LEPR: variants seen among roughly 807,000 people sequenced by gnomAD.
The protein encoded by LEPR is leptin receptor, also known as OB receptor.
LEPR carries 56 observed loss-of-function variants against 114.7 expected under a neutral mutation model. The observed-to-expected ratio is 0.49, with a 90% CI of 0.39 to 0.61. The LOEUF is 0.61. Ranked by LOEUF, LEPR falls within the 20% of genes least tolerant of loss-of-function variation. LEPR has a pLI of 0.00. For synonymous variants in LEPR, 443 were observed against 461.4 expected, an observed-to-expected ratio of 0.96 and a Z score of 0.51; for missense variants, 1,202 against 1,352.9, an observed-to-expected ratio of 0.89 and a Z score of 1.75.
chr1:65,591,458 C>A (rs907014371), intron 5 of LEPR, among the ~76,000 whole-genome samples: 14 of 152,010 alleles, frequency 9.2e-5, no homozygotes, highest in African/African-American at 3.1e-4. Context: ...GTCTATTTCT[C>A]CTTAAGGTTC....
At chr1:65,468,480 T>TA (rs1035745693) in intron 2 of LEPR, among the ~76,000 whole-genome samples, 9 of 152,182 alleles carry the variant, frequency 5.9e-5, no homozygotes, top group Admixed American at 1.3e-4. Flanking sequence ...AAAGCTTCCT[T>TA]AAAAAAAATT....
chr1:65,572,458 C>A lies in LEPR; in HGVS notation c.494+9C>A, dbSNP rs1217833550. ...CATCTTTTATATGTTCTGTAAGTAC[C>A]AAATAATTAATTTGGCATTTCTAAT... On this transcript the variant is annotated intron_variant, in intron 5 of 19. Transcript: ENST00000349533. 1 of 1,586,128 alleles carries A rather than the reference C, an allele frequency of 6.3e-7. No individual in the cohort carries two copies. Among genetic ancestry groups the A allele is most frequent in the Non-Finnish European group, 8.6e-7 (1 of 1,159,786 alleles).
At chr1:65,545,905 T>G (rs1027944061) in intron 2 of LEPR, among the ~76,000 whole-genome samples, 13 of 152,004 alleles carry the variant, frequency 8.6e-5, no homozygotes, top group African/African-American at 3.1e-4. Flanking sequence ...TGAGTGGTAA[T>G]GCCTAGGTTT....
intron 11 of LEPR, among the ~76,000 whole-genome samples, 173 bp downstream of exon 11, chr1:65,605,410 A>G (rs1557691548): frequency 6.6e-6 from 1 of 152,228 alleles, no homozygotes; most frequent in South Asian, 2.1e-4. Context: ...ACAGTTTTGA[A>G]TTCATTTCAA....
intron 2 of LEPR, among the ~76,000 whole-genome samples, chr1:65,468,771 C>T (rs1391739539): frequency 6.6e-6 from 1 of 152,150 alleles, no homozygotes; most frequent in Non-Finnish European, 1.5e-5. Flanking sequence ...TGTGCACATG[C>T]GGATGCATTG....
chr1:65,480,282 G>A (rs7542824), intron 2 of LEPR, among the ~76,000 whole-genome samples: 49,044 of 152,056 alleles, frequency 0.32, 10,106 homozygotes, highest in Non-Finnish European at 0.46. Flanking sequence ...TGGTTTTTGA[G>A]GAAGAATACA....
intron 2 of LEPR, among the ~76,000 whole-genome samples, chr1:65,459,649 G>A (rs184577012): frequency 4.2e-4 from 64 of 152,268 alleles, no homozygotes; most frequent in Non-Finnish European, 5.3e-4. Flanking sequence ...CCCAACCCAG[G>A]ACAAAGAAGC....
At chr1:65,488,127 T>TTCCC (rs1040219606) in intron 2 of LEPR, among the ~76,000 whole-genome samples, 1 of 140,396 alleles carries the variant, frequency 7.1e-6, no homozygotes. Flanking sequence ...CTTTCTTTCT[T>TTCCC]TCCCTCCCTC....
intron 2 of LEPR, among the ~76,000 whole-genome samples, chr1:65,548,947 C>T (rs1188538056): frequency 6.6e-6 from 1 of 152,146 alleles, no homozygotes; most frequent in African/African-American, 2.4e-5. Flanking sequence ...TGGCTGGTAC[C>T]AGTTGTTCCT....
chr1:65,524,325 C>G (rs543241060), intron 2 of LEPR, among the ~76,000 whole-genome samples: 1 of 152,156 alleles, frequency 6.6e-6, no homozygotes, highest in East Asian at 1.9e-4. Flanking sequence ...GGTGGAAATC[C>G]AAGGGTTAGT....
chr1:65,448,230 T>C (rs11582592), intron 2 of LEPR, among the ~76,000 whole-genome samples: 5,979 of 152,296 alleles, frequency 0.039, 169 homozygotes, highest in South Asian at 0.1. Flanking sequence ...TTATCATGAA[T>C]GTGTGTTGGA....
chr1:65,513,494 A>G (rs577200028), intron 2 of LEPR, among the ~76,000 whole-genome samples: 1 of 152,228 alleles, frequency 6.6e-6, no homozygotes. Context: ...AAAAAATAAC[A>G]CAGCCATTTC....
At chr1:65,505,239 T>A (rs1163913893) in intron 2 of LEPR, among the ~76,000 whole-genome samples, 1 of 152,218 alleles carries the variant, frequency 6.6e-6, no homozygotes, top group Non-Finnish European at 1.5e-5. Flanking sequence ...GATGTTACAC[T>A]ATTGGATATT....
intron 19 of LEPR, among the ~76,000 whole-genome samples, chr1:65,629,131 T>C (rs1323880247): frequency 6.6e-6 from 1 of 152,162 alleles, no homozygotes; most frequent in African/African-American, 2.4e-5. Flanking sequence ...GTCACTTTTT[T>C]CAATTCCTTA....
rs1316399938 is a variant in LEPR, at chr1:65,618,129, A to G, written c.2378A>G (p.Lys793Arg). The change falls in exon 16 of 20, where the codon AAG becomes AGG. Residue 793 changes from lysine to arginine, a missense_variant. Transcript: ENST00000349533. Reference protein sequence around the residue: ...IKWLRISSSVKKYYIHDHFIP... With the variant: ...IKWLRISSSVRKYYIHDHFIP... The stretch of plus-strand genomic sequence containing the variant: ...TGGCTTAGAATCTCTTCATCTGTTA[A>G]GAAGTATTATATCCATGGTAAGTTT... The G allele has an allele frequency of 1.9e-6, 3 of 1,608,030 alleles. No homozygotes were observed. The highest frequency in any genetic ancestry group is 1.3e-5 in the African/African-American group (1 of 74,810).
chr1:65,631,987 C>T (rs527573915), intron 19 of LEPR, among the ~76,000 whole-genome samples: 1 of 152,206 alleles, frequency 6.6e-6, no homozygotes, highest in South Asian at 2.1e-4. Flanking sequence ...TTTTATCCAG[C>T]CATGCTCCTG....
At chr1:65,524,055 G>A (rs1649780010) in intron 2 of LEPR, among the ~76,000 whole-genome samples, 1 of 152,222 alleles carries the variant, frequency 6.6e-6, no homozygotes, top group Non-Finnish European at 1.5e-5. Flanking sequence ...TTCTCATAGA[G>A]CCTTGGGAGC....
chr1:65,584,271 G>A (rs2100861698), intron 5 of LEPR, among the ~76,000 whole-genome samples: 1 of 152,118 alleles, frequency 6.6e-6, no homozygotes, highest in South Asian at 2.1e-4. Flanking sequence ...TCCTTTTGTT[G>A]AAGAATGGTA....
chr1:65,610,588 A>G (rs1657103355), intron 14 of LEPR, among the ~76,000 whole-genome samples: 1 of 152,182 alleles, frequency 6.6e-6, no homozygotes, highest in African/African-American at 2.4e-5. Flanking sequence ...TGTAAATGTA[A>G]TATTGAACTA....
Sources: gnomAD v4.1 joint callset for allele counts (sites outside exome capture counted in the v4.1 genomes callset) on GRCh38, gnomAD v4.1.1 for gene constraint, MANE v1.5 for transcripts, NCBI Gene and HGNC (gene_info 2026-07-23, HGNC 2026-07-21) for gene names.